The following ZNF318 variants were observed in gnomAD, a reference collection of about 807,000 sequenced individuals.
ZNF318 encodes zinc finger protein 318.
A neutral mutation model predicts 124.2 loss-of-function variants in ZNF318; 51 were observed. The ratio of observed to expected loss-of-function variants is 0.41; its 90% CI spans 0.33 to 0.52. ZNF318 has a LOEUF of 0.52. Ranked by LOEUF, ZNF318 falls within the 20% of genes least tolerant of loss-of-function variation. The probability of loss-of-function intolerance (pLI) is 0.23; values close to 1 mark genes in which losing one functional copy is unlikely to be tolerated. For missense variants in ZNF318, 2,815 were observed against 2,811.2 expected, an observed-to-expected ratio of 1.00 and a Z score of -0.03; for synonymous variants, 1,090 against 1,040.7, an observed-to-expected ratio of 1.05 and a Z score of -0.91.
intron 1 of ZNF318, among the ~76,000 whole-genome samples, chr6:43,365,987 AC>A (rs770312112): frequency 6.6e-6 from 1 of 152,152 alleles, no homozygotes; most frequent in Non-Finnish European, 1.5e-5. Context: ...TGCTCTCAGA[AC>A]CCTACTTCTA....
intron 1 of ZNF318, among the ~76,000 whole-genome samples, chr6:43,365,769 C>G (rs1477923082): frequency 6.6e-6 from 1 of 152,196 alleles, no homozygotes; most frequent in Non-Finnish European, 1.5e-5. Context: ...GGGCAATGAG[C>G]AGGACCTTGT....
chr6:43,337,337 C>A lies in ZNF318; in HGVS notation c.6661G>T (p.Ala2221Ser), dbSNP rs2150747677. The A allele has an allele frequency of 6.2e-7, 1 of 1,614,154 alleles. No homozygotes were observed. The highest frequency in any genetic ancestry group is 1.6e-4 in the Middle Eastern group (1 of 6,062). Residue 2221 changes from alanine (A) to serine (S), a missense_variant, in exon 10 of 10, where the codon GCA (alanine) becomes TCA (serine). Transcript: ENST00000361428. ...EISNASTTEV[A>S]ILQVDDDSGD... Reference sequence around the variant, plus strand: ...CTGTCATCATCTACTTGCAGAATTGCCACCTCTGTGGTGGATGCATTCGAT... The same window carrying A: ...CTGTCATCATCTACTTGCAGAATTGACACCTCTGTGGTGGATGCATTCGAT...
chr6:43,355,582 C>A lies in ZNF318; in HGVS notation c.1752G>T (p.Glu584Asp). The A allele has an allele frequency of 6.2e-7, 1 of 1,614,174 alleles. No individual in the cohort carries two copies. ...GGATCTTCGCATATTCTGGATTGGT[C>A]TCTTCTAGTGATTCTAGCTTTACAG... Reference protein sequence around the residue: ...APAVKLESLEETNPEYAKIHD... With the variant: ...APAVKLESLEDTNPEYAKIHD... Residue 584 changes from glutamate to aspartate, a missense_variant, in exon 4 of 10, where the codon GAG becomes GAT. Physicochemically the swap from Glu to Asp is conservative, Grantham distance 45 (BLOSUM62 2). Transcript: ENST00000361428.
Position 43,337,580 on chromosome 6 carries a change from T to G in ZNF318, c.6418A>C (p.Lys2140Gln). The G allele has an allele frequency of 6.2e-7, 1 of 1,614,130 alleles. No homozygotes were observed. The highest frequency in any genetic ancestry group is 8.5e-7 in the Non-Finnish European group (1 of 1,179,992). The part of the protein sequence containing the change: ...LAGGMMPEEV[K>Q]ESSQLDKQES... ...TGTTTGTCTAATTGGGAAGATTCTT[T>G]TACTTCCTCAGGCATCATTCCTCCT... The change falls in exon 10 of 10, where the codon AAA becomes CAA. Residue 2140 changes from lysine (K) to glutamine (Q), a missense_variant. Physicochemically the swap from Lys to Gln is moderately conservative, Grantham distance 53. Around this residue, in one of 4 missense-constraint regions of ZNF318, gnomAD observed 927 missense variants for 820.6 expected, o/e 1.13. Coordinates refer to ENST00000361428, the MANE Select transcript of ZNF318 (RefSeq NM_014345.3).
At position 43,357,418 on chromosome 6, in the gene ZNF318, T is replaced by C. The variant is rs747349511; in HGVS notation, c.896A>G (p.Tyr299Cys). 40 of 1,614,064 alleles carry C rather than the reference T, an allele frequency of 2.5e-5. No individual in the cohort carries two copies. Among genetic ancestry groups the C allele is most frequent in the Admixed American group, 3.3e-5 (2 of 60,004 alleles). ...HPSFTSGTRN[Y>C]RQRRRSPSPR... ...ACTTGGGCTTCTTCTACGCTGTCGA[T>C]AGTTGCGAGTTCCTGATGTAAAACT... Residue 299 changes from tyrosine (Y) to cysteine (C), a missense_variant, in exon 3 of 10, where the codon TAT (tyrosine) becomes TGT (cysteine). Coordinates refer to ENST00000361428, the MANE Select transcript of ZNF318 (RefSeq NM_014345.3).
chr6:43,340,070 C>T lies in ZNF318; in HGVS notation c.3928G>A (p.Gly1310Ser). 6.2e-7 allele frequency: 1 copy of T among 1,614,182 alleles called. No homozygotes were observed. The highest frequency in any genetic ancestry group is 8.5e-7 in the Non-Finnish European group (1 of 1,180,034). ...ILESSKDKED[G>S]KTEAGKAKPI... is the part of the protein sequence containing the mutation. ...TTTGCCTTCCCAGCTTCAGTTTTGC[C>T]ATCCTCTTTGTCCTTACTACTTTCT... is the stretch of plus-strand genomic sequence containing the variant. The change falls in exon 10 of 10, where the codon GGC becomes AGC. Residue 1310 changes from glycine to serine, a missense_variant. Physicochemically the swap from Gly to Ser is moderately conservative, Grantham distance 56. This residue lies in a region of ZNF318 where 500 missense variants were observed against 605.2 expected (regional missense o/e 0.83). Coordinates refer to ENST00000361428, the MANE Select transcript of ZNF318 (RefSeq NM_014345.3).
At chr6:43,353,162 G>C (rs921633342) in intron 4 of ZNF318, among the ~76,000 whole-genome samples, 1 of 152,110 alleles carries the variant, frequency 6.6e-6, no homozygotes, top group African/African-American at 2.4e-5. Context: ...AAAATAAAGA[G>C]GAAGTGTATG....
In ZNF318 at chr6:43,354,762, C is replaced by T. The variant is rs777322820; in HGVS notation, c.2572G>A (p.Ala858Thr). 11 of 1,614,158 alleles carry T rather than the reference C, an allele frequency of 6.8e-6. No individual in the cohort carries two copies. The East Asian group carries it at 2.0e-4, about 29-fold the overall frequency. The change falls in exon 4 of 10, where the codon GCG becomes ACG. Residue 858 changes from alanine (A) to threonine (T), a missense_variant. This residue lies in a region of ZNF318 where 1,377 missense variants were observed against 1,353.5 expected (regional missense o/e 1.02). Coordinates refer to ENST00000361428, the MANE Select transcript of ZNF318 (RefSeq NM_014345.3). The stretch of plus-strand genomic sequence containing the variant: ...GACACCTGGACAGGCACTTGGGCCG[C>T]AGGAATTGAGCCTCGCAGAGACTCT... ...QKESLRGSIP[A>T]AQVPVQVSIP...
intron 3 of ZNF318, 140 bp downstream of exon 3, chr6:43,356,986 G>C (rs544260413): frequency 1.0e-6 from 1 of 991,826 alleles, no homozygotes. Context: ...CGTTTGGAGA[G>C]TCCTAGAAGG....
At chr6:43,356,245 G>A (rs907653513) in intron 3 of ZNF318, 100 bp from the exon 4 acceptor site, 13 of 1,281,124 alleles carry the variant, frequency 1.0e-5, no homozygotes, top group Admixed American at 2.5e-5. Context: ...GAATTAACAG[G>A]TGAGATACAA....
At chr6:43,366,522 C>T (rs556709603) in intron 1 of ZNF318, among the ~76,000 whole-genome samples, 12 of 152,136 alleles carry the variant, frequency 7.9e-5, no homozygotes, top group South Asian at 2.1e-4. Context: ...CCGGGCCAGG[C>T]ATGGTAGCTT....
intron 5 of ZNF318, among the ~76,000 whole-genome samples, chr6:43,351,397 CCTT>C (rs1383400093): frequency 6.6e-6 from 1 of 152,072 alleles, no homozygotes; most frequent in African/African-American, 2.4e-5. Context: ...AAGTTATGTA[CCTT>C]CTTTGTTGTT....
chr6:43,365,574 A>C, intron 1 of ZNF318, 134 bp from the exon 2 acceptor site: 1 of 778,104 alleles, frequency 1.3e-6, no homozygotes, highest in Non-Finnish European at 2.0e-6. Context: ...TGGGAGGCTG[A>C]GGTGTATAGG....
In ZNF318 at chr6:43,369,248, A is replaced by G; in HGVS notation, c.118T>C (p.Ser40Pro). The change falls in exon 1 of 10, where the codon TCA becomes CCA. Residue 40 changes from serine to proline, a missense_variant. Physicochemically the swap from Ser to Pro is moderately conservative, Grantham distance 74. This residue lies in a region of ZNF318 where 1,377 missense variants were observed against 1,353.5 expected (regional missense o/e 1.02). Transcript: ENST00000361428. ...GSSSGPARRS[S>P]PPPPPSGSSS... The stretch of plus-strand genomic sequence containing the variant: ...GAGCCGGAGGGCGGAGGCGGCGGTG[A>G]GCTGCGGCGAGCCGGGCCTGAGGAG... 4 of 1,250,636 alleles carry G rather than the reference A, an allele frequency of 3.2e-6. No homozygotes were observed. The highest frequency in any genetic ancestry group is 4.0e-6 in the Non-Finnish European group (4 of 997,122). 77.5% of individuals were successfully genotyped at this position (1,250,636 alleles called of 1,614,324 possible).
chr6:43,342,512 C>T (rs143856225), intron 7 of ZNF318, among the ~76,000 whole-genome samples, 164 bp downstream of exon 7: 124 of 152,306 alleles, frequency 8.1e-4, no homozygotes, highest in African/African-American at 2.9e-3. Flanking sequence ...CTGGACTGAG[C>T]CCTGGGGATG....
chr6:43,365,069 T>C (rs1581652698), intron 2 of ZNF318, among the ~76,000 whole-genome samples: 2 of 152,330 alleles, frequency 1.3e-5, no homozygotes, highest in South Asian at 2.1e-4. Flanking sequence ...ATGACCTTTT[T>C]AAAGTCTTTT....
In ZNF318 at chr6:43,338,866, T is replaced by G. The variant is rs1431984387; in HGVS notation, c.5132A>C (p.Asp1711Ala). ...AAGCTCACTCTTCTCTGGAGATATA[T>G]CCCTACTAGTGTCACTCTGGAAGGA... The part of the protein sequence containing the change: ...SSSFQSDTSR[D>A]ISPEKSELDL... Residue 1711 changes from aspartate (D) to alanine (A), a missense_variant, in exon 10 of 10, where the codon GAT becomes GCT. By Grantham distance (126) the Asp-to-Ala change is moderately radical (BLOSUM62 -2). Coordinates refer to ENST00000361428, the MANE Select transcript of ZNF318 (RefSeq NM_014345.3). The G allele has an allele frequency of 1.2e-6, 2 of 1,614,016 alleles. No individual in the cohort carries two copies. The highest frequency in any genetic ancestry group is 1.7e-6 in the Non-Finnish European group (2 of 1,180,036).
At position 43,339,022 on chromosome 6, in the gene ZNF318, A is replaced by G. The variant is rs766168769; in HGVS notation, c.4976T>C (p.Val1659Ala). 6.2e-7 allele frequency: 1 copy of G among 1,614,198 alleles called. No homozygotes were observed. The highest frequency in any genetic ancestry group is 1.7e-5 in the Admixed American group (1 of 60,018). Residue 1659 changes from valine to alanine, a missense_variant, in exon 10 of 10, where the codon GTA (valine) becomes GCA (alanine). Coordinates refer to ENST00000361428, the MANE Select transcript of ZNF318 (RefSeq NM_014345.3). This position sits in a 1 kb window ranked among gnomAD's most constrained non-coding sequence, Gnocchi z 4.2. ...TGTGCTTTTTGGGCCTACATGTTCT[A>G]CAACTGACCATTTCCCTAGGGCCAC... ...TLVALGKWSVVEHVGPKSTGS... is the reference protein window; with the variant it reads ...TLVALGKWSVAEHVGPKSTGS...
intron 7 of ZNF318, 130 bp downstream of exon 7, chr6:43,342,546 T>C (rs1438547202): frequency 4.1e-6 from 4 of 967,848 alleles, no homozygotes; most frequent in African/African-American, 1.6e-5. Context: ...TGGTGTCTCT[T>C]GGCTCTTCAG....
Sources: allele counts gnomAD v4.1 joint callset (sites outside exome capture counted in the v4.1 genomes callset), GRCh38; gene constraint gnomAD v4.1.1; regional missense constraint gnomAD v4.1.1; non-coding constraint Gnocchi (gnomAD v3.1); transcripts MANE v1.5; gene names NCBI Gene and HGNC (gene_info 2026-07-23, HGNC 2026-07-21).